CCDC7: variants seen among roughly 807,000 people sequenced by gnomAD.
CCDC7 encodes coiled-coil domain containing 7, also known as coiled-coil domain-containing protein 7.
A neutral mutation model predicts 196.9 loss-of-function variants in CCDC7; 183 were observed. The ratio of observed to expected loss-of-function variants is 0.93; its 90% CI spans 0.82 to 1.05. The LOEUF is 1.05. Ranked by LOEUF, CCDC7 falls within the 50% of genes least tolerant of loss-of-function variation. The pLI, the probability that CCDC7 is intolerant of heterozygous loss-of-function variation, is 0.00. For missense variants in CCDC7, 1,540 were observed against 1,482.2 expected, an observed-to-expected ratio of 1.04 and a Z score of -0.64; for synonymous variants, 525 against 484.6, an observed-to-expected ratio of 1.08 and a Z score of -1.10.
exon 33 of CCDC7, chr10:32,834,834 G>T: frequency 6.9e-7 from 1 of 1,449,492 alleles, no homozygotes; most frequent in Non-Finnish European, 9.6e-7. Context: ...TAAAACACTT[G>T]AAAGGTGTTA....
At chr10:32,825,928 C>G (rs1165958000) in intron 32 of CCDC7, among the ~76,000 whole-genome samples, 1 of 152,168 alleles carries the variant, frequency 6.6e-6, no homozygotes, top group African/African-American at 2.4e-5. Flanking sequence ...GCTGGAGACA[C>G]TGAATTTGTA....
intron 20 of CCDC7, among the ~76,000 whole-genome samples, chr10:32,652,375 G>A (rs2068930058): frequency 6.6e-6 from 1 of 151,750 alleles, no homozygotes; most frequent in African/African-American, 2.4e-5. Flanking sequence ...GCCACTCTAT[G>A]TCTTTAATTT....
At chr10:32,817,172 G>A (rs988404227) in intron 31 of CCDC7, among the ~76,000 whole-genome samples, 8 of 152,128 alleles carry the variant, frequency 5.3e-5, no homozygotes, top group Middle Eastern at 3.2e-3. Flanking sequence ...ACCATGGCAC[G>A]AGAAGTACGC....
At chr10:32,769,436 A>C (rs2134037150) in intron 28 of CCDC7, among the ~76,000 whole-genome samples, 1 of 151,900 alleles carries the variant, frequency 6.6e-6, no homozygotes, top group East Asian at 1.9e-4. Context: ...AAATCTTTTC[A>C]GGGAACTGAG....
intron 28 of CCDC7, among the ~76,000 whole-genome samples, chr10:32,757,574 AC>A (rs1184531670): frequency 1.3e-5 from 2 of 152,274 alleles, no homozygotes; most frequent in Non-Finnish European, 2.9e-5. Context: ...GATACAACAT[AC>A]CAGAATCTGT....
intron 16 of CCDC7, among the ~76,000 whole-genome samples, chr10:32,577,753 T>A (rs1209791149): frequency 6.6e-6 from 1 of 152,204 alleles, no homozygotes; most frequent in Non-Finnish European, 1.5e-5. Context: ...TGAATTTGTC[T>A]AAGGTCTAAT....
intron 18 of CCDC7, among the ~76,000 whole-genome samples, chr10:32,622,155 C>G (rs1443827741): frequency 3.3e-5 from 5 of 152,174 alleles, no homozygotes; most frequent in Non-Finnish European, 7.3e-5. Context: ...CTTTTTGACT[C>G]TTGGCTAACT....
chr10:32,851,775 G>T, intron 39 of CCDC7, 32 bp from the exon 41 acceptor site: 6 of 1,584,284 alleles, frequency 3.8e-6, no homozygotes, highest in Non-Finnish European at 4.3e-6. Context: ...GTCATCTATT[G>T]TATGGCTAAC....
At chr10:32,720,339 G>T (rs926003720) in intron 25 of CCDC7, among the ~76,000 whole-genome samples, 1 of 151,764 alleles carries the variant, frequency 6.6e-6, no homozygotes. Context: ...ACCAAACACC[G>T]CATGTTCTCT....
At chr10:32,828,459 GAA>G (rs1371109471) in intron 32 of CCDC7, among the ~76,000 whole-genome samples, 59 of 87,532 alleles carry the variant, frequency 6.7e-4, no homozygotes, top group Non-Finnish European at 7.6e-4. Context: ...AGAAGAAGAA[GAA>G]GAAGAGGAAG....
chr10:32,648,057 T>A (rs1339008997), intron 20 of CCDC7, among the ~76,000 whole-genome samples: 2 of 152,264 alleles, frequency 1.3e-5, no homozygotes, highest in East Asian at 3.8e-4. Context: ...GTTAGGCAGT[T>A]ATTCTAGCAT....
intron 30 of CCDC7, among the ~76,000 whole-genome samples, chr10:32,809,184 G>A (rs2086523913): frequency 6.6e-6 from 1 of 152,128 alleles, no homozygotes; most frequent in Middle Eastern, 3.2e-3. Flanking sequence ...GCGAGGAAAT[G>A]TGACACCTCA....
chr10:32,765,587 A>C (rs1011019556), intron 28 of CCDC7, among the ~76,000 whole-genome samples: 4 of 152,048 alleles, frequency 2.6e-5, no homozygotes, highest in African/African-American at 9.7e-5. Flanking sequence ...ACCTAGGAAA[A>C]TTTTAAACCA....
At chr10:32,828,468 GAAGAGGAAGAGGAAGAGGA>G (rs1304409348) in intron 32 of CCDC7, among the ~76,000 whole-genome samples, 1 of 53,008 alleles carries the variant, frequency 1.9e-5, no homozygotes. Flanking sequence ...AGAAGAAGAG[GAAGAGGAAGAGGAAGAGGA>G]AGAAGAAGAA....
upstream of CCDC7, among the ~76,000 whole-genome samples, chr10:32,445,936 G>T (rs11008942): frequency 0.14 from 21,002 of 152,228 alleles, 1,761 homozygotes; most frequent in East Asian, 0.25. Context: ...TCTGCGCTCA[G>T]GGGGCGTCCT....
In CCDC7 at chr10:32,699,502, C is replaced by T. The variant is rs560545826; in HGVS notation, c.2458+4510C>T. Among the ~76,000 whole-genome samples, 151 of 146,658 alleles carry T rather than the reference C, an allele frequency of 1.0e-3. 26 individuals carry two copies. The highest frequency in any genetic ancestry group is 4.1e-3 in the African/African-American group (149 of 36,294). On this transcript the variant is annotated intron_variant, in intron 24 of 41. Coordinates refer to ENST00000639629, the Ensembl canonical transcript of CCDC7. ...AAGTCTTTGCTATTGTGAATAGTGC[C>T]ACAATAAACATACGTGTGCATGTGT...
At chr10:32,463,933 G>C (rs1480227250) in intron 5 of CCDC7, among the ~76,000 whole-genome samples, 2 of 152,176 alleles carry the variant, frequency 1.3e-5, no homozygotes, top group Non-Finnish European at 2.9e-5. Flanking sequence ...CAGAGAAGTA[G>C]GGGTAGAGTG....
At chr10:32,591,232 ATTC>A (rs1186076172) in intron 18 of CCDC7, among the ~76,000 whole-genome samples, 1 of 151,608 alleles carries the variant, frequency 6.6e-6, no homozygotes, top group African/African-American at 2.4e-5. Flanking sequence ...ATTGTTTTTT[ATTC>A]TTTTTTCTCC....
intron 9 of CCDC7, among the ~76,000 whole-genome samples, chr10:32,505,681 G>A (rs917018688): frequency 3.3e-5 from 5 of 152,040 alleles, no homozygotes; most frequent in Non-Finnish European, 7.4e-5. Context: ...GCCCGTTCTC[G>A]ATGGTCGCTG....
Sources: allele counts gnomAD v4.1 joint callset (sites outside exome capture counted in the v4.1 genomes callset), GRCh38; gene constraint gnomAD v4.1.1; transcripts MANE v1.5; gene names NCBI Gene and HGNC (gene_info 2026-07-23, HGNC 2026-07-21).